Variants in UNC13C observed in about 807,000 individuals in gnomAD.
UNC13C encodes the protein unc-13 homolog C, also known as protein unc-13 homolog C.
A neutral mutation model predicts 245.4 loss-of-function variants in UNC13C; 174 were observed. The ratio of observed to expected loss-of-function variants is 0.71; its 90% CI spans 0.63 to 0.80. UNC13C has a LOEUF of 0.80. Ranked by LOEUF, UNC13C falls within the 30% of genes least tolerant of loss-of-function variation. UNC13C has a pLI of 0.00. For missense variants in UNC13C, 2,829 were observed against 2,602.9 expected, an observed-to-expected ratio of 1.09 and a Z score of -1.89; for synonymous variants, 992 against 895.1, an observed-to-expected ratio of 1.11 and a Z score of -1.93.
At chr15:53,926,688 T>C in the UNC13C span, among the ~76,000 whole-genome samples, 3 of 152,178 alleles carry the variant, frequency 2.0e-5, no homozygotes, top group East Asian at 5.8e-4. Context: ...TCTGCCAGAT[T>C]CTATGACAGC....
intron 20 of UNC13C, among the ~76,000 whole-genome samples, chr15:54,499,781 A>G (rs1466489372): frequency 1.3e-5 from 2 of 152,138 alleles, no homozygotes; most frequent in African/African-American, 2.4e-5. Context: ...GAGAGCACAC[A>G]AGGTCTACAT....
the UNC13C span, among the ~76,000 whole-genome samples, chr15:53,929,968 T>A: frequency 6.6e-6 from 1 of 152,154 alleles, no homozygotes; most frequent in South Asian, 2.1e-4. Flanking sequence ...AAACTACTCA[T>A]AACAAAGGCT....
At chr15:53,996,029 G>A (rs1171034028) in intron 1 of UNC13C, among the ~76,000 whole-genome samples, 3 of 152,128 alleles carry the variant, frequency 2.0e-5, no homozygotes, top group Non-Finnish European at 4.4e-5. Context: ...ATATAAATAT[G>A]CTTATTGCTT....
At chr15:54,263,236 A>T (rs191914805) in intron 8 of UNC13C, among the ~76,000 whole-genome samples, 196 of 152,282 alleles carry the variant, frequency 1.3e-3, no homozygotes, top group Non-Finnish European at 2.1e-3. Context: ...TACCAAAAAA[A>T]GTTTGATTTT....
At chr15:54,444,793 T>TTA (rs1890716363) in intron 19 of UNC13C, among the ~76,000 whole-genome samples, 1 of 151,566 alleles carries the variant, frequency 6.6e-6, no homozygotes, top group African/African-American at 2.4e-5. Flanking sequence ...AGTTTATTTT[T>TTA]TATATATATA....
intron 23 of UNC13C, among the ~76,000 whole-genome samples, chr15:54,511,477 G>A (rs1162609957): frequency 6.6e-6 from 1 of 152,068 alleles, no homozygotes; most frequent in African/African-American, 2.4e-5. Context: ...AGTATGAAAT[G>A]TTACAATGTT....
intron 2 of UNC13C, among the ~76,000 whole-genome samples, chr15:54,070,021 G>A (rs1431758890): frequency 6.6e-6 from 1 of 152,206 alleles, no homozygotes. Flanking sequence ...AGACAGTTAT[G>A]TAATAAGCTC....
chr15:54,107,546 G>T (rs1423310759), intron 2 of UNC13C, among the ~76,000 whole-genome samples: 1 of 152,152 alleles, frequency 6.6e-6, no homozygotes, highest in Non-Finnish European at 1.5e-5. Flanking sequence ...GAGAGGAAGT[G>T]AAGTAACGCA....
At chr15:54,155,429 T>G (rs1330714876) in intron 4 of UNC13C, among the ~76,000 whole-genome samples, 1 of 152,166 alleles carries the variant, frequency 6.6e-6, no homozygotes, top group East Asian at 1.9e-4. Context: ...TCAAGGAATG[T>G]GGAAATGAGG....
rs1895580532 is a variant in UNC13C at position 54,015,056 on chromosome 15, A to G, written c.2153A>G (p.Asp718Gly). Reference sequence around the variant, plus strand: ...GAGAGCTACGACTTAACTCAAGATGACAATTCTTCTCCATGCCCTGGCTTG... The same window carrying G: ...GAGAGCTACGACTTAACTCAAGATGGCAATTCTTCTCCATGCCCTGGCTTG... ...DSESYDLTQD[D>G]NSSPCPGLDN... Residue 718 changes from aspartate to glycine, a missense_variant, in exon 2 of 33, where the codon GAC (aspartate) becomes GGC (glycine). Physicochemically the swap from Asp to Gly is moderately conservative, Grantham distance 94. Coordinates refer to ENST00000260323, the MANE Select transcript of UNC13C (RefSeq NM_001080534.3). 1 of 1,612,864 alleles carries G rather than the reference A, an allele frequency of 6.2e-7. No homozygotes were observed. The highest frequency in any genetic ancestry group is 1.1e-5 in the South Asian group (1 of 90,914).
chr15:54,454,813 CATT>C (rs2141014395), intron 19 of UNC13C, among the ~76,000 whole-genome samples: 1 of 151,668 alleles, frequency 6.6e-6, no homozygotes, highest in South Asian at 2.1e-4. Context: ...TTCATTCATT[CATT>C]CATTCATTCA....
intron 2 of UNC13C, among the ~76,000 whole-genome samples, chr15:54,123,811 G>T (rs895076431): frequency 6.6e-6 from 1 of 152,072 alleles, no homozygotes; most frequent in African/African-American, 2.4e-5. Flanking sequence ...TCACCACAAA[G>T]CTCTCTCCCT....
intron 19 of UNC13C, among the ~76,000 whole-genome samples, chr15:54,486,437 T>G (rs1355853685): frequency 2.9e-5 from 4 of 136,338 alleles, no homozygotes; most frequent in Non-Finnish European, 6.2e-5. Flanking sequence ...AGACTCCATC[T>G]CAAAGAAAAA....
intron 2 of UNC13C, among the ~76,000 whole-genome samples, chr15:54,102,990 C>T (rs1303131468): frequency 6.6e-6 from 1 of 152,198 alleles, no homozygotes; most frequent in Non-Finnish European, 1.5e-5. Context: ...GTTAATACTT[C>T]TAGTCATGAC....
At chr15:54,352,053 A>T (rs2140844327) in intron 17 of UNC13C, among the ~76,000 whole-genome samples, 1 of 151,916 alleles carries the variant, frequency 6.6e-6, no homozygotes, top group East Asian at 1.9e-4. Context: ...AAGTTAAAAT[A>T]TCATTTACTC....
intron 19 of UNC13C, among the ~76,000 whole-genome samples, chr15:54,489,340 C>A (rs1893583548): frequency 6.6e-6 from 1 of 152,174 alleles, no homozygotes; most frequent in African/African-American, 2.4e-5. Flanking sequence ...ACTCCCCATT[C>A]AAAGCCTGTA....
intron 19 of UNC13C, among the ~76,000 whole-genome samples, chr15:54,469,704 T>C (rs746216709): frequency 6.6e-6 from 1 of 151,650 alleles, no homozygotes; most frequent in African/African-American, 2.4e-5. Flanking sequence ...TTTTGGAATT[T>C]TGTGGAATTT....
chr15:54,384,912 T>A (rs1057505266), intron 17 of UNC13C, among the ~76,000 whole-genome samples: 2 of 152,056 alleles, frequency 1.3e-5, no homozygotes, highest in Non-Finnish European at 2.9e-5. Flanking sequence ...TAAAAAATGC[T>A]CAGTATCACT....
chr15:54,472,392 T>C (rs953048840), intron 19 of UNC13C, among the ~76,000 whole-genome samples: 1 of 151,892 alleles, frequency 6.6e-6, no homozygotes, highest in Non-Finnish European at 1.5e-5. Flanking sequence ...TTGCCCATTG[T>C]TATGTCAGTT....
Sources: gnomAD v4.1 joint callset for allele counts (sites outside exome capture counted in the v4.1 genomes callset) on GRCh38, gnomAD v4.1.1 for gene constraint, MANE v1.5 for transcripts, NCBI Gene and HGNC (gene_info 2026-07-23, HGNC 2026-07-21) for gene names.